ARHGEF6: variants seen among roughly 807,000 people sequenced by gnomAD.
The protein encoded by ARHGEF6 is rho guanine nucleotide exchange factor 6.
Under a neutral mutation model 70.3 loss-of-function variants are expected in ARHGEF6, and 9 were observed. The ratio of observed to expected loss-of-function variants is 0.13; its 90% CI spans 0.08 to 0.22. The LOEUF is 0.22. Ranked by LOEUF, ARHGEF6 falls within the 10% of genes least tolerant of loss-of-function variation. The pLI is 1.00. For synonymous variants in ARHGEF6, 201 were observed against 207.8 expected (o/e 0.97, Z 0.28); for missense variants, 470 against 563.0 (o/e 0.83, Z 1.67).
At chrX:136,677,881 T>A in intron 17 of ARHGEF6, 55 bp downstream of exon 17, 2 of 1,041,176 alleles carry the variant, frequency 1.9e-6, no homozygotes, top group Non-Finnish European at 2.7e-6. Flanking sequence ...TCATCAAAGG[T>A]TACAGTACAG....
At chrX:136,734,810 C>G (rs1403215542) in intron 5 of ARHGEF6, among the ~76,000 whole-genome samples, 1 of 111,667 alleles carries the variant, frequency 9.0e-6, no homozygotes, top group Non-Finnish European at 1.9e-5. Context: ...GGGATTCATC[C>G]TAGGTTGGTT....
intron 10 of ARHGEF6, among the ~76,000 whole-genome samples, chrX:136,689,483 A>G (rs2076437087): frequency 2.7e-5 from 3 of 112,226 alleles, no homozygotes; most frequent in African/African-American, 9.7e-5. Flanking sequence ...ATAAGCAAGG[A>G]GGGGCAAACC....
At chrX:136,716,015 A>G (rs186825100) in intron 6 of ARHGEF6, among the ~76,000 whole-genome samples, 3,247 of 112,685 alleles carry the variant, frequency 0.029, 110 homozygotes, top group African/African-American at 0.098. Context: ...ATCTCGGCTC[A>G]CTACAACCTC....
intron 9 of ARHGEF6, among the ~76,000 whole-genome samples, chrX:136,699,228 G>C (rs2076541219): frequency 1.8e-5 from 2 of 110,615 alleles, no homozygotes. Flanking sequence ...ATAACAAAAA[G>C]GGAAGAGGAA....
At chrX:136,717,593 C>T (rs2076749687) in intron 6 of ARHGEF6, among the ~76,000 whole-genome samples, 1 of 111,556 alleles carries the variant, frequency 9.0e-6, no homozygotes, top group South Asian at 3.7e-4. Context: ...TTTTAATTGA[C>T]CTAATAGATA....
chrX:136,777,533 T>A (rs1603358582), intron 2 of ARHGEF6, among the ~76,000 whole-genome samples: 1 of 111,274 alleles, frequency 9.0e-6, no homozygotes, highest in East Asian at 2.8e-4. Context: ...AAACCTTAAG[T>A]ATGGAGATTC....
chrX:136,758,294 G>A (rs901661826), intron 2 of ARHGEF6, among the ~76,000 whole-genome samples: 3 of 109,013 alleles, frequency 2.8e-5, no homozygotes, highest in African/African-American at 1.0e-4. Context: ...CTCGTGATCC[G>A]CCCGCCTCGG....
chrX:136,745,206 T>C lies in ARHGEF6; in HGVS notation c.459+17A>G, dbSNP rs754509027. ...TATGGATTTTAAAACAGACGGAGAA[T>C]TGGGGACTATACTTACCACTGTCTT... On this transcript the variant is annotated intron_variant, in intron 4 of 21. Coordinates refer to ENST00000250617, the MANE Select transcript of ARHGEF6 (RefSeq NM_004840.3). 9.1e-6 allele frequency: 11 copies of C among 1,209,495 alleles called. No homozygotes were observed. In the East Asian group the frequency reaches 2.4e-4, roughly 26 times the overall value.
At chrX:136,671,015 G>T (rs775601956) in intron 20 of ARHGEF6, among the ~76,000 whole-genome samples, 20 of 111,467 alleles carry the variant, frequency 1.8e-4, no homozygotes, top group Admixed American at 1.6e-3. Context: ...ATGTAAAATG[G>T]GGATAATAGC....
chrX:136,670,908 G>A (rs1032427955), intron 20 of ARHGEF6, among the ~76,000 whole-genome samples: 1 of 111,433 alleles, frequency 9.0e-6, no homozygotes, highest in Non-Finnish European at 1.9e-5. Flanking sequence ...AAAGATTTTG[G>A]AGATCTAAGT....
chrX:136,767,447 C>T, intron 2 of ARHGEF6: 1 of 755,090 alleles, frequency 1.3e-6, no homozygotes, highest in Non-Finnish European at 1.6e-6. Context: ...GTGCCGCGCC[C>T]GCAACCTCTC....
chrX:136,739,362 A>G (rs2077019899), intron 5 of ARHGEF6, among the ~76,000 whole-genome samples: 1 of 112,028 alleles, frequency 8.9e-6, no homozygotes, highest in Non-Finnish European at 1.9e-5. Context: ...TGTAACAGTT[A>G]GTTCTGCACA....
At chrX:136,671,240 A>G in intron 20 of ARHGEF6, among the ~76,000 whole-genome samples, 1 of 112,054 alleles carries the variant, frequency 8.9e-6, no homozygotes, top group East Asian at 2.8e-4. Context: ...GAGTAGCAGA[A>G]GTGGGAGTTG....
intron 5 of ARHGEF6, among the ~76,000 whole-genome samples, chrX:136,735,902 T>C (rs1314171990): frequency 1.8e-5 from 2 of 112,125 alleles, no homozygotes; most frequent in Non-Finnish European, 3.8e-5. Context: ...GGAAGAGTGA[T>C]TTCTTAATAT....
Position 136,752,434 on chromosome X carries a change from G to A in ARHGEF6, c.250-4842C>T, listed in dbSNP as rs190541153. On this transcript the variant is annotated intron_variant, in intron 2 of 21. Transcript: ENST00000250617. ...TCCTGGTCTGGTAGGGGTCCAGCTC[G>A]TGATTACAGAACCAAGCTAAAACAT... 1.2e-4 allele frequency among the ~76,000 whole-genome samples: 14 copies of A among 112,196 alleles called. No homozygotes were observed. In the East Asian group the frequency reaches 3.6e-3, roughly 29 times the overall value.
Position 136,668,080 on chromosome X carries a change from T to C in ARHGEF6, c.2280A>G (p.Thr760=). The change falls in exon 22 of 22, where the codon ACA becomes ACG. Residue 760 remains threonine, a synonymous_variant. Transcript: ENST00000250617. The stretch of plus-strand genomic sequence containing the variant: ...TGGACTCGCCTCGAATACACTCATC[T>C]GTTTGCTTCAAAAGCCTCCGCACCA... ...EKLVRRLLKQ[T]DECIRGESSS... 8.2e-7 allele frequency: 1 copy of C among 1,212,136 alleles called. No homozygotes were observed. The highest frequency in any genetic ancestry group is 1.1e-6 in the Non-Finnish European group (1 of 895,578).
At chrX:136,689,861 T>C (rs2076441165) in intron 10 of ARHGEF6, among the ~76,000 whole-genome samples, 1 of 111,473 alleles carries the variant, frequency 9.0e-6, no homozygotes, top group Non-Finnish European at 1.9e-5. Context: ...CACAAAAGAA[T>C]GGCTCAAGGA....
chrX:136,727,387 T>TC (rs2076874136), intron 6 of ARHGEF6, among the ~76,000 whole-genome samples: 2 of 71,324 alleles, frequency 2.8e-5, no homozygotes, highest in Non-Finnish European at 5.2e-5. Context: ...CTTTCTTTCT[T>TC]TCTTTCTTTC....
chrX:136,686,330 T>C (rs1018842603), intron 11 of ARHGEF6, among the ~76,000 whole-genome samples: 1 of 110,181 alleles, frequency 9.1e-6, no homozygotes, highest in Non-Finnish European at 1.9e-5. Context: ...CCTGGAGTTA[T>C]AGTGAAAGAG....
Sources: gnomAD v4.1 joint callset for allele counts (sites outside exome capture counted in the v4.1 genomes callset) on GRCh38, gnomAD v4.1.1 for gene constraint, MANE v1.5 for transcripts, NCBI Gene and HGNC (gene_info 2026-07-23, HGNC 2026-07-21) for gene names.